The following TMEM132C variants were observed in gnomAD, a reference collection of about 807,000 sequenced individuals.
TMEM132C encodes the protein protein phosphatase 1, regulatory subunit 152.
TMEM132C carries 29 observed loss-of-function variants against 61.4 expected under a neutral mutation model. That is an observed-to-expected ratio of 0.47 (90% confidence interval 0.35 to 0.64). The LOEUF (loss-of-function observed/expected upper bound fraction) is 0.64. Among genes scored for constraint, TMEM132C ranks in the 30% least tolerant of loss-of-function variants. TMEM132C has a pLI of 0.00. For synonymous variants in TMEM132C, 656 were observed against 633.1 expected (o/e 1.04, Z -0.54); for missense variants, 1,408 against 1,476.9 (o/e 0.95, Z 0.76).
intron 4 of TMEM132C, among the ~76,000 whole-genome samples, chr12:128,635,462 C>CTTT (rs372811916): frequency 0.026 from 3,445 of 130,350 alleles, 126 homozygotes; most frequent in African/African-American, 0.084. Flanking sequence ...TGAGTTTTTT[C>CTTT]TTTTTTTTTT....
At chr12:128,319,951 T>A (rs1781256873) in intron 1 of TMEM132C, among the ~76,000 whole-genome samples, 1 of 152,062 alleles carries the variant, frequency 6.6e-6, no homozygotes, top group East Asian at 1.9e-4. Context: ...CATTTCCAGG[T>A]GATGAAATTG....
At chr12:128,439,571 T>A (rs1159036187) in intron 2 of TMEM132C, among the ~76,000 whole-genome samples, 1 of 152,226 alleles carries the variant, frequency 6.6e-6, no homozygotes, top group Non-Finnish European at 1.5e-5. Context: ...TTCAATACTT[T>A]ATATCTTAGG....
intron 4 of TMEM132C, among the ~76,000 whole-genome samples, chr12:128,649,763 G>A (rs188924690): frequency 2.8e-4 from 43 of 152,240 alleles, no homozygotes; most frequent in African/African-American, 8.2e-4. Flanking sequence ...CCCAAAGGAC[G>A]GCCTGTTTAA....
intron 3 of TMEM132C, among the ~76,000 whole-genome samples, chr12:128,571,078 G>A (rs2136171323): frequency 6.6e-6 from 1 of 152,282 alleles, no homozygotes; most frequent in East Asian, 1.9e-4. Flanking sequence ...GTCATGTGGA[G>A]GTTTAATGGC....
intron 2 of TMEM132C, among the ~76,000 whole-genome samples, chr12:128,453,433 C>G (rs1446671660): frequency 6.6e-6 from 1 of 152,184 alleles, no homozygotes; most frequent in Non-Finnish European, 1.5e-5. Flanking sequence ...TAGTTTCTCC[C>G]TTCCTGTGTC....
chr12:128,545,386 C>A (rs1873912234), intron 3 of TMEM132C, among the ~76,000 whole-genome samples: 1 of 152,160 alleles, frequency 6.6e-6, no homozygotes, highest in Admixed American at 6.6e-5. Flanking sequence ...TGTGTTGATT[C>A]TGTGTCTTTG....
chr12:128,612,145 C>T (rs1443620273), intron 3 of TMEM132C, among the ~76,000 whole-genome samples: 4 of 152,176 alleles, frequency 2.6e-5, no homozygotes, highest in Admixed American at 6.5e-5. Context: ...TAAGGCCTCC[C>T]GGGGGCTCAT....
intron 1 of TMEM132C, among the ~76,000 whole-genome samples, chr12:128,292,516 A>T (rs892883610): frequency 3.3e-5 from 5 of 152,076 alleles, no homozygotes; most frequent in South Asian, 2.1e-4. Context: ...CCTGGTACCT[A>T]GATGAGTGCT....
intron 1 of TMEM132C, among the ~76,000 whole-genome samples, chr12:128,328,786 T>TAACAA (rs1436343535): frequency 7.4e-5 from 7 of 94,230 alleles, no homozygotes; most frequent in Non-Finnish European, 1.3e-4. Flanking sequence ...GATTCTGTCT[T>TAACAA]AAAAAAAAAA....
At chr12:128,352,097 C>T (rs991795089) in intron 1 of TMEM132C, among the ~76,000 whole-genome samples, 2 of 152,128 alleles carry the variant, frequency 1.3e-5, no homozygotes, top group African/African-American at 4.8e-5. Context: ...AAGGCCTACC[C>T]ATTTAGGAAG....
intron 1 of TMEM132C, among the ~76,000 whole-genome samples, chr12:128,344,925 C>CTTTTTTTTTTTTTTTTTTTT (rs1405355819): frequency 7.4e-6 from 1 of 135,078 alleles, no homozygotes; most frequent in Non-Finnish European, 1.6e-5. Context: ...AGATGAGTTT[C>CTTTTTTTTTTTTTTTTTTTT]TTTTTTTTTT....
rs367571547 is a variant in TMEM132C at position 128,364,291 on chromosome 12, TTCTC to T, written c.86-50428_86-50425del. Among the ~76,000 whole-genome samples, 11 of 131,236 alleles carry T rather than the reference TTCTC, an allele frequency of 8.4e-5. No homozygotes were observed. The South Asian group carries it at 3.0e-3, about 36-fold the overall frequency. 86.1% of individuals were successfully genotyped at this position (131,236 alleles called of 152,430 possible). On this transcript the variant is annotated intron_variant, in intron 1 of 8. Coordinates refer to ENST00000435159, the MANE Select transcript of TMEM132C (RefSeq NM_001136103.3). ...CACCCCTCCCTCTCTCCCCCTATCT[TTCTC>T]TCTCTCTCTCTCCCCCTCCTCCCCT...
At chr12:128,557,016 C>G (rs979937922) in intron 3 of TMEM132C, among the ~76,000 whole-genome samples, 1 of 152,182 alleles carries the variant, frequency 6.6e-6, no homozygotes, top group East Asian at 1.9e-4. Context: ...AGGGGAACTC[C>G]TCTGAGTTCA....
chr12:128,433,547 T>A (rs1412847470), intron 2 of TMEM132C, among the ~76,000 whole-genome samples: 1 of 152,234 alleles, frequency 6.6e-6, no homozygotes, highest in Non-Finnish European at 1.5e-5. Context: ...TTTGGGAAAC[T>A]GTCATCAGGA....
chr12:128,294,656 T>TGA (rs1315058305), intron 1 of TMEM132C, among the ~76,000 whole-genome samples: 2 of 143,036 alleles, frequency 1.4e-5, no homozygotes, highest in Non-Finnish European at 3.2e-5. Flanking sequence ...CACTATCTGG[T>TGA]GAGAGCCGGC....
intron 4 of TMEM132C, among the ~76,000 whole-genome samples, chr12:128,641,880 C>A (rs1440088738): frequency 6.6e-6 from 1 of 152,124 alleles, no homozygotes; most frequent in East Asian, 1.9e-4. Flanking sequence ...CTGCAACCTC[C>A]ACCTCTTAAG....
rs1471611390 is a variant in TMEM132C, at chr12:128,630,292, G to T, written c.1305+13957G>T. ...GACGGCCCATGAGGGTCACTAGGGG[G>T]CAGGGGCTGGAGCTTCTGGCCACAT... On this transcript the variant is annotated intron_variant, in intron 4 of 8. Transcript: ENST00000435159. This position sits in a 1 kb window ranked among gnomAD's most constrained non-coding sequence, Gnocchi z 4.3. 6.6e-6 allele frequency among the ~76,000 whole-genome samples: 1 copy of T among 152,152 alleles called. No homozygotes were observed. The highest frequency in any genetic ancestry group is 1.9e-4 in the East Asian group (1 of 5,164).
At chr12:128,595,273 A>G (rs1470331793) in intron 3 of TMEM132C, among the ~76,000 whole-genome samples, 1 of 152,204 alleles carries the variant, frequency 6.6e-6, no homozygotes, top group Non-Finnish European at 1.5e-5. Flanking sequence ...AATACAAGGA[A>G]CTATTTAGAG....
intron 3 of TMEM132C, among the ~76,000 whole-genome samples, chr12:128,557,668 T>A (rs369809414): frequency 6.6e-6 from 1 of 152,188 alleles, no homozygotes; most frequent in Admixed American, 6.5e-5. Context: ...CACAGTCTTC[T>A]CAGCCACCAC....
Sources: gnomAD v4.1 joint callset for allele counts (sites outside exome capture counted in the v4.1 genomes callset) on GRCh38, gnomAD v4.1.1 for gene constraint, Gnocchi (gnomAD v3.1) non-coding constraint, MANE v1.5 for transcripts, NCBI Gene and HGNC (gene_info 2026-07-23, HGNC 2026-07-21) for gene names.